ACER2: variants seen among roughly 807,000 people sequenced by gnomAD.
ACER2 encodes alkCDase 2.
ACER2 carries 26 observed loss-of-function variants against 34.7 expected under a neutral mutation model. The observed-to-expected ratio is 0.75, with a 90% CI of 0.55 to 1.04. The LOEUF (loss-of-function observed/expected upper bound fraction) is 1.04. ACER2 is among the 50% of genes least tolerant of loss of function. The probability of loss-of-function intolerance (pLI) is 0.00; values close to 1 mark genes in which losing one functional copy is unlikely to be tolerated. For missense variants in ACER2, 352 were observed against 340.8 expected (o/e 1.03, Z -0.26); for synonymous variants, 138 against 132.1 (o/e 1.04, Z -0.31).
At chr9:19,442,889 G>T (rs922282876) in intron 4 of ACER2, among the ~76,000 whole-genome samples, 1 of 151,528 alleles carries the variant, frequency 6.6e-6, no homozygotes, top group Non-Finnish European at 1.5e-5. Context: ...CTGGAGTGCG[G>T]TGGCACTATC....
chr9:19,427,961 CTTCCTTTCCTTTCCTTTTTCCTTT>C (rs1238441047), intron 3 of ACER2, among the ~76,000 whole-genome samples: 1,893 of 144,928 alleles, frequency 0.013, 189 homozygotes, highest in African/African-American at 0.045. Context: ...CCATCATGCC[CTTCCTTTCCTTTCCTTTTTCCTTT>C]TTCCTTTCCT....
chr9:19,445,134 G>A (rs1831310906), intron 4 of ACER2, among the ~76,000 whole-genome samples: 1 of 152,198 alleles, frequency 6.6e-6, no homozygotes, highest in Non-Finnish European at 1.5e-5. Flanking sequence ...CGGGAAGAAG[G>A]ACGCTCAGCC....
At chr9:19,447,847 A>G (rs1206051172) in intron 5 of ACER2, among the ~76,000 whole-genome samples, 1 of 152,148 alleles carries the variant, frequency 6.6e-6, no homozygotes, top group Admixed American at 6.6e-5. Context: ...ACAACATAGA[A>G]GTATAGAAAG....
At chr9:19,447,607 A>G (rs929914161) in intron 5 of ACER2, among the ~76,000 whole-genome samples, 1 of 152,320 alleles carries the variant, frequency 6.6e-6, no homozygotes, top group East Asian at 1.9e-4. Context: ...TATATTGTGA[A>G]TTTTGAGAAA....
At chr9:19,422,242 A>T (rs914926709) in intron 1 of ACER2, among the ~76,000 whole-genome samples, 1 of 152,026 alleles carries the variant, frequency 6.6e-6, no homozygotes, top group Non-Finnish European at 1.5e-5. Context: ...AGGAGGCTGC[A>T]GCAAGCTGGT....
At chr9:19,433,428 C>A (rs1436894176) in intron 3 of ACER2, among the ~76,000 whole-genome samples, 2 of 151,996 alleles carry the variant, frequency 1.3e-5, no homozygotes, top group African/African-American at 4.8e-5. Flanking sequence ...CCATTTAACT[C>A]TGAGTGGACA....
intron 2 of ACER2, 94 bp from the exon 3 acceptor site, chr9:19,424,599 TGACTGTG>T: frequency 6.5e-7 from 1 of 1,530,846 alleles, no homozygotes; most frequent in Non-Finnish European, 8.7e-7. Flanking sequence ...AGTGATCTGG[TGACTGTG>T]TTAACCATTG....
At chr9:19,435,332 C>A (rs1830925450) in intron 4 of ACER2, among the ~76,000 whole-genome samples, 1 of 152,144 alleles carries the variant, frequency 6.6e-6, no homozygotes, top group African/African-American at 2.4e-5. Flanking sequence ...TTACCAGGAC[C>A]ATCTCAGTAC....
intron 2 of ACER2, 154 bp from the exon 3 acceptor site, chr9:19,424,546 G>A (rs1325538677): frequency 7.1e-6 from 7 of 985,262 alleles, no homozygotes; most frequent in Non-Finnish European, 8.4e-6. Context: ...TGCATGCTTG[G>A]GTGGTGTGAG....
Position 19,414,841 on chromosome 9 carries a change from G to A in ACER2, c.108+5649G>A, listed in dbSNP as rs573556482. On this transcript the variant is annotated intron_variant, in intron 1 of 5. Transcript: ENST00000340967. ...AACCTGGCTGACAGAGCGAGACTCC[G>A]CCTCAAAAAAAAAAAAAAAAATTGT... 2.0e-4 allele frequency among the ~76,000 whole-genome samples: 24 copies of A among 121,256 alleles called. No individual in the cohort carries two copies. In the South Asian group the frequency reaches 4.5e-3, roughly 22 times the overall value. 79.5% of individuals were successfully genotyped at this position (121,256 alleles called of 152,430 possible).
intron 1 of ACER2, among the ~76,000 whole-genome samples, chr9:19,410,080 C>G (rs1048735465): frequency 6.6e-6 from 1 of 152,184 alleles, no homozygotes; most frequent in Non-Finnish European, 1.5e-5. Flanking sequence ...ATCTTTTCAC[C>G]GCCCAAACAA....
At chr9:19,423,292 T>G (rs535643175) in intron 1 of ACER2, among the ~76,000 whole-genome samples, 8 of 152,356 alleles carry the variant, frequency 5.3e-5, no homozygotes, top group African/African-American at 1.9e-4. Flanking sequence ...TTGGGCAGCA[T>G]CCATAGACTG....
At chr9:19,444,140 G>A (rs149874124) in intron 4 of ACER2, among the ~76,000 whole-genome samples, 1,614 of 102,692 alleles carry the variant, frequency 0.016, 35 homozygotes, top group African/African-American at 0.056. Flanking sequence ...ATACACTAAT[G>A]ATAGCTGATG....
intron 5 of ACER2, chr9:19,446,627 G>T: frequency 2.0e-6 from 2 of 985,416 alleles, no homozygotes; most frequent in Non-Finnish European, 2.4e-6. Context: ...TAGCCGGAAC[G>T]AAAGGCCTGA....
At chr9:19,446,676 C>T (rs1299418723) in intron 5 of ACER2, 7 of 970,946 alleles carry the variant, frequency 7.2e-6, no homozygotes, top group Non-Finnish European at 8.6e-6. Context: ...CCTCTAACTC[C>T]ATTATTAAAG....
rs1831363728 is a variant in ACER2 at position 19,446,376 on chromosome 9, A to G, written c.599A>G (p.Glu200Gly). The G allele has an allele frequency of 6.2e-7, 1 of 1,614,016 alleles. No homozygotes were observed. The highest frequency in any genetic ancestry group is 1.3e-5 in the African/African-American group (1 of 74,888). ...TGGATCAGTGACCGAGCTTTCTGCG[A>G]GCTGCTGTCATCCTTCAACTTCCCC... ...FCWISDRAFC[E>G]LLSSFNFPYL... Residue 200 changes from glutamate (E) to glycine (G), a missense_variant, in exon 5 of 6, where the codon GAG becomes GGG. Glu to Gly is a moderately conservative substitution (Grantham distance 98, BLOSUM62 -2). Coordinates refer to ENST00000340967, the MANE Select transcript of ACER2 (RefSeq NM_001010887.3).
At chr9:19,434,809 T>C in intron 3 of ACER2, 138 bp from the exon 4 acceptor site, 1 of 1,142,088 alleles carries the variant, frequency 8.8e-7, no homozygotes, top group Non-Finnish European at 1.3e-6. Context: ...CGTGAGTGGC[T>C]TTTTGAACCT....
At chr9:19,442,198 T>C (rs994038418) in intron 4 of ACER2, among the ~76,000 whole-genome samples, 1 of 152,206 alleles carries the variant, frequency 6.6e-6, no homozygotes, top group African/African-American at 2.4e-5. Context: ...ATACTTTTTC[T>C]GATTATAGGA....
chr9:19,451,347 CAAACAGATG>C lies in ACER2; in HGVS notation c.*717_*725del, dbSNP rs935299135. The stretch of plus-strand genomic sequence containing the variant: ...TGGGGTAATTGTCCTTAAACAAAAC[CAAACAGATG>C]AAACACACACAGGACTTGTGGCTAA... On this transcript the variant is annotated 3_prime_UTR_variant, in exon 6 of 6. Coordinates refer to ENST00000340967, the MANE Select transcript of ACER2 (RefSeq NM_001010887.3). The C allele has an allele frequency of 6.6e-6, 1 of 152,610 alleles. No individual in the cohort carries two copies. Among genetic ancestry groups the C allele is most frequent in the African/African-American group, 2.4e-5 (1 of 41,442 alleles). 9.5% of individuals were successfully genotyped at this position (152,610 alleles called of 1,614,324 possible). A position where few individuals can be genotyped will look rare whatever the true frequency, so the allele number is the denominator to read the frequency against.
Sources: gnomAD v4.1 joint callset for allele counts (sites outside exome capture counted in the v4.1 genomes callset) on GRCh38, gnomAD v4.1.1 for gene constraint, MANE v1.5 for transcripts, NCBI Gene and HGNC (gene_info 2026-07-23, HGNC 2026-07-21) for gene names.